TENM1: variants seen among roughly 807,000 people sequenced by gnomAD.
TENM1 encodes teneurin transmembrane protein 1, also known as teneurin-1.
TENM1 carries 35 observed loss-of-function variants against 174.8 expected under a neutral mutation model. The ratio of observed to expected loss-of-function variants is 0.20; its 90% CI spans 0.15 to 0.27. TENM1 has a LOEUF of 0.27. Ranked by LOEUF, TENM1 falls within the 10% of genes least tolerant of loss-of-function variation. TENM1 has a pLI of 1.00. For missense variants in TENM1, 1,633 were observed against 2,130.1 expected (o/e 0.77, Z 4.59); for synonymous variants, 781 against 798.7 (o/e 0.98, Z 0.37).
chrX:124,651,786 C>T, intron 8 of TENM1, 128 bp downstream of exon 11: 4 of 957,751 alleles, frequency 4.2e-6, no homozygotes, highest in Non-Finnish European at 4.1e-6. Context: ...TCATAGTAAC[C>T]TTTCCTCAAT....
intron 5 of TENM1, among the ~76,000 whole-genome samples, chrX:124,675,089 T>C (rs1034936417): frequency 3.6e-5 from 4 of 111,414 alleles, no homozygotes; most frequent in African/African-American, 1.3e-4. Flanking sequence ...GATAAAGAGG[T>C]ATGGGCACAT....
chrX:125,088,244 T>C, the TENM1 span, among the ~76,000 whole-genome samples: 1 of 111,528 alleles, frequency 9.0e-6, no homozygotes, highest in Non-Finnish European at 1.9e-5. Flanking sequence ...ACCTAATCAG[T>C]ACTGCCAAAG....
chrX:124,705,892 CTGTTTGTT>C (rs60240978), intron 4 of TENM1, among the ~76,000 whole-genome samples: 26 of 110,551 alleles, frequency 2.4e-4, no homozygotes, highest in Admixed American at 3.9e-4. Flanking sequence ...GTTTCTGTTT[CTGTTTGTT>C]TGTTTGTTTG....
chrX:125,193,265 C>A, the TENM1 span, among the ~76,000 whole-genome samples: 1 of 112,617 alleles, frequency 8.9e-6, no homozygotes, highest in East Asian at 2.8e-4. Flanking sequence ...TAGATGTAAT[C>A]AAACGTGAAT....
chrX:125,052,412 T>C, the TENM1 span, among the ~76,000 whole-genome samples: 1 of 111,859 alleles, frequency 8.9e-6, no homozygotes, highest in Non-Finnish European at 1.9e-5. Flanking sequence ...TCCTTTTCAA[T>C]TAACAAAGTA....
intron 3 of TENM1, among the ~76,000 whole-genome samples, chrX:124,858,734 T>A (rs781560849): frequency 2.2e-4 from 25 of 111,463 alleles, no homozygotes; most frequent in African/African-American, 8.1e-4. Context: ...ACCTAAAAGG[T>A]CTCACAAAAT....
chrX:124,790,869 CA>C (rs1412018567), intron 3 of TENM1, among the ~76,000 whole-genome samples: 1 of 110,317 alleles, frequency 9.1e-6, no homozygotes, highest in Admixed American at 9.7e-5. Flanking sequence ...AGCCAAAGAC[CA>C]AAAGTAGGTA....
At chrX:124,413,868 G>T (rs2060563892) in intron 25 of TENM1, among the ~76,000 whole-genome samples, 1 of 112,359 alleles carries the variant, frequency 8.9e-6, no homozygotes, top group African/African-American at 3.2e-5. Flanking sequence ...TAGAATGACT[G>T]ATTATTACAT....
chrX:125,130,030 C>T, the TENM1 span, among the ~76,000 whole-genome samples: 1 of 111,592 alleles, frequency 9.0e-6, no homozygotes, highest in Non-Finnish European at 1.9e-5. Flanking sequence ...TCATCTATAA[C>T]TCCTTACAGT....
chrX:124,808,464 C>A (rs1414676235), intron 3 of TENM1, among the ~76,000 whole-genome samples: 1 of 111,853 alleles, frequency 8.9e-6, no homozygotes, highest in Non-Finnish European at 1.9e-5. Context: ...ACTTAAACTG[C>A]ACTCTAGGCC....
In TENM1 at chrX:124,685,561, G is replaced by GTTTTTTTTTTTTT. The variant is rs201481902; in HGVS notation, c.1016-13739_1016-13727dup. 4.6e-3 allele frequency among the ~76,000 whole-genome samples: 438 copies of GTTTTTTTTTTTTT among 94,379 alleles called. 3 individuals carry two copies. The highest frequency in any genetic ancestry group is 6.0e-3 in the Non-Finnish European group (284 of 47,275). The allele number at this position is 94,379 out of a possible 115,157, so 82.0% of individuals were successfully genotyped here. On this transcript the variant is annotated intron_variant, in intron 5 of 31. Coordinates refer to ENST00000422452, the Ensembl canonical transcript of TENM1. ...GCTTATGGTCTCTTCAAGCAAATCT[G>GTTTTTTTTTTTTT]TTTTTTTTTTTTTTTGAGATGGAGT...
At chrX:125,027,057 G>C in the TENM1 span, among the ~76,000 whole-genome samples, 11 of 111,520 alleles carry the variant, frequency 9.9e-5, no homozygotes, top group African/African-American at 3.6e-4. Context: ...TTTTAATGAA[G>C]GTCCAAGACA....
exon 1 of TENM1, chrX:124,963,642 G>C: frequency 8.3e-7 from 1 of 1,211,166 alleles, no homozygotes; most frequent in Non-Finnish European, 1.1e-6. Context: ...TTGTATGACT[G>C]TCTTGGTTTT....
At chrX:124,508,769 G>A (rs976198994) in intron 18 of TENM1, among the ~76,000 whole-genome samples, 2 of 111,609 alleles carry the variant, frequency 1.8e-5, no homozygotes, top group African/African-American at 6.5e-5. Flanking sequence ...GCCATCAAAG[G>A]CAGAGTGATA....
the TENM1 span, among the ~76,000 whole-genome samples, chrX:125,087,829 T>C: frequency 2.7e-5 from 3 of 111,528 alleles, no homozygotes; most frequent in Non-Finnish European, 3.8e-5. Context: ...TCCACACTGA[T>C]ATATATAAAT....
intron 15 of TENM1, among the ~76,000 whole-genome samples, chrX:124,538,954 G>T (rs183716514): frequency 2.0e-4 from 22 of 111,346 alleles, no homozygotes; most frequent in African/African-American, 6.8e-4. Context: ...TTTCTGTCAT[G>T]CATGAGTTAA....
At chrX:124,905,895 C>A (rs2057740528) in intron 1 of TENM1, among the ~76,000 whole-genome samples, 1 of 106,997 alleles carries the variant, frequency 9.3e-6, no homozygotes. Context: ...ACTTCTGAAT[C>A]TGAAACAGGG....
the TENM1 span, among the ~76,000 whole-genome samples, chrX:125,015,986 T>C: frequency 0.42 from 46,621 of 110,510 alleles, 8,529 homozygotes; most frequent in African/African-American, 0.72. Context: ...CATAGTCCAC[T>C]GTCTTTTTAG....
At chrX:124,981,739 A>G in the TENM1 span, among the ~76,000 whole-genome samples, 4 of 111,390 alleles carry the variant, frequency 3.6e-5, no homozygotes, top group Non-Finnish European at 7.5e-5. Flanking sequence ...CTAGGTTGTC[A>G]TCTAGATTCC....
Sources: allele counts gnomAD v4.1 joint callset (sites outside exome capture counted in the v4.1 genomes callset), GRCh38; gene constraint gnomAD v4.1.1; transcripts MANE v1.5; gene names NCBI Gene and HGNC (gene_info 2026-07-23, HGNC 2026-07-21).